Variants in AKAP19 observed in about 807,000 individuals in gnomAD.
AKAP19 encodes the protein small A-kinase anchoring protein.
the AKAP19 span, among the ~76,000 whole-genome samples, chr2:190,186,317 T>C: frequency 6.6e-6 from 1 of 152,174 alleles, no homozygotes; most frequent in Non-Finnish European, 1.5e-5. The surrounding 1 kb of genome is among the most constrained non-coding windows in gnomAD (Gnocchi z 5.5). Flanking sequence ...CCATACCGCT[T>C]TATTCAGGTT....
the AKAP19 span, among the ~76,000 whole-genome samples, chr2:190,086,857 C>A: frequency 6.6e-6 from 1 of 152,080 alleles, no homozygotes; most frequent in Non-Finnish European, 1.5e-5. Context: ...ATTGTCCCAG[C>A]GAATACAGTA....
the AKAP19 span, among the ~76,000 whole-genome samples, chr2:190,052,841 A>G: frequency 6.6e-6 from 1 of 152,190 alleles, no homozygotes; most frequent in Admixed American, 6.5e-5. Flanking sequence ...AGCCCTTCTC[A>G]GGAGACGTTT....
chr2:189,961,762 A>T, the AKAP19 span, among the ~76,000 whole-genome samples: 38 of 151,940 alleles, frequency 2.5e-4, no homozygotes, highest in Non-Finnish European at 4.3e-4. Context: ...AAATACAAAA[A>T]TTAGCCAGGC....
chr2:190,117,596 T>G, the AKAP19 span, among the ~76,000 whole-genome samples: 74 of 152,250 alleles, frequency 4.9e-4, no homozygotes, highest in Non-Finnish European at 8.7e-4. Flanking sequence ...GTTGATCTGG[T>G]CTTCCAATGC....
the AKAP19 span, among the ~76,000 whole-genome samples, chr2:189,952,065 G>A: frequency 1.3e-5 from 2 of 152,270 alleles, no homozygotes. Context: ...GCCTCACAAT[G>A]TACTGCCCCT....
the AKAP19 span, among the ~76,000 whole-genome samples, chr2:190,130,296 C>T: frequency 2.0e-5 from 3 of 152,068 alleles, no homozygotes; most frequent in African/African-American, 7.2e-5. Context: ...GGGGAAAAGG[C>T]CTTGACCTGG....
chr2:190,002,963 C>T, the AKAP19 span, among the ~76,000 whole-genome samples: 1 of 151,750 alleles, frequency 6.6e-6, no homozygotes, highest in African/African-American at 2.4e-5. Context: ...CCATTGCCAT[C>T]ATTTTCTTGT....
the AKAP19 span, chr2:189,930,894 A>T: frequency 2.4e-5 from 17 of 716,894 alleles, no homozygotes; most frequent in Non-Finnish European, 3.6e-5. Flanking sequence ...CCTGTTCCTG[A>T]TATGGCAGCG....
chr2:190,062,404 G>A, the AKAP19 span: 8 of 1,613,426 alleles, frequency 5.0e-6, no homozygotes, highest in Admixed American at 1.7e-5. Context: ...GTTTCCAGAC[G>A]AAGTTTACTG....
chr2:190,021,717 G>A, the AKAP19 span, among the ~76,000 whole-genome samples: 1,721 of 152,314 alleles, frequency 0.011, 20 homozygotes, highest in Non-Finnish European at 0.017. Flanking sequence ...TGCTGTGGAG[G>A]TGCCATTTGT....
At chr2:189,944,171 G>A in the AKAP19 span, among the ~76,000 whole-genome samples, 10 of 152,174 alleles carry the variant, frequency 6.6e-5, no homozygotes, top group African/African-American at 1.7e-4. Flanking sequence ...CAGATCTCAC[G>A]TTGAATTGTA....
chr2:189,932,950 A>C, the AKAP19 span, among the ~76,000 whole-genome samples: 144 of 152,244 alleles, frequency 9.5e-4, no homozygotes, highest in Middle Eastern at 3.4e-3. Flanking sequence ...GGGTCCGAAA[A>C]AGCAAAGATT....
At chr2:190,191,334 A>T in the AKAP19 span, among the ~76,000 whole-genome samples, 69 of 152,210 alleles carry the variant, frequency 4.5e-4, no homozygotes, top group African/African-American at 1.3e-3. Flanking sequence ...CAGTAGAGAC[A>T]GAGTTTCACC....
chr2:190,006,453 C>A, the AKAP19 span, among the ~76,000 whole-genome samples: 1 of 151,320 alleles, frequency 6.6e-6, no homozygotes, highest in Non-Finnish European at 1.5e-5. Context: ...CAAGACCATC[C>A]TGGCTAACAC....
chr2:190,004,286 AAAC>A, the AKAP19 span, among the ~76,000 whole-genome samples: 187 of 147,992 alleles, frequency 1.3e-3, 1 homozygote, highest in Middle Eastern at 0.011. Flanking sequence ...TAATAAAAAA[AAAC>A]ATTCTCAGTT....
the AKAP19 span, among the ~76,000 whole-genome samples, chr2:190,135,732 T>C: frequency 2.0e-5 from 3 of 152,230 alleles, no homozygotes; most frequent in Middle Eastern, 3.2e-3. Context: ...GAAGTTGTGA[T>C]ATTTAAATGT....
At chr2:190,177,596 TCTGA>T in the AKAP19 span, among the ~76,000 whole-genome samples, 1 of 152,210 alleles carries the variant, frequency 6.6e-6, no homozygotes. This position sits in a 1 kb window ranked among gnomAD's most constrained non-coding sequence, Gnocchi z 4.6. Flanking sequence ...AGGTGCAAGC[TCTGA>T]CTGGTCTGCC....
At chr2:189,995,330 T>G in the AKAP19 span, among the ~76,000 whole-genome samples, 1 of 152,228 alleles carries the variant, frequency 6.6e-6, no homozygotes, top group Admixed American at 6.5e-5. Context: ...GATTATGATA[T>G]TTTCCCGTTA....
the AKAP19 span, chr2:190,180,785 A>C: frequency 1.0e-6 from 1 of 985,256 alleles, no homozygotes; most frequent in Non-Finnish European, 1.2e-6. The surrounding 1 kb of genome is among the most constrained non-coding windows in gnomAD (Gnocchi z 6.8). Flanking sequence ...ACCCGCGAGG[A>C]GCGCGCGGCG....
Sources: gnomAD v4.1 joint callset for allele counts (sites outside exome capture counted in the v4.1 genomes callset) on GRCh38, gnomAD v4.1.1 for gene constraint, Gnocchi (gnomAD v3.1) non-coding constraint, MANE v1.5 for transcripts, NCBI Gene and HGNC (gene_info 2026-07-23, HGNC 2026-07-21) for gene names.